The following MYCBP2 variants were observed in gnomAD, a reference collection of about 807,000 sequenced individuals.
The protein encoded by MYCBP2 is E3 ubiquitin-protein ligase MYCBP2.
Under a neutral mutation model 525.3 loss-of-function variants are expected in MYCBP2, and 120 were observed. The ratio of observed to expected loss-of-function variants is 0.23; its 90% CI spans 0.20 to 0.27. The LOEUF is 0.27. Ranked by LOEUF, MYCBP2 falls within the 10% of genes least tolerant of loss-of-function variation. MYCBP2 has a pLI of 1.00. For missense variants in MYCBP2, 4,149 were observed against 5,657.1 expected, an observed-to-expected ratio of 0.73 and a Z score of 8.55; for synonymous variants, 1,894 against 1,955.8, an observed-to-expected ratio of 0.97 and a Z score of 0.83.
At position 77,060,638 on chromosome 13, in the gene MYCBP2, AC is replaced by A. The variant is rs1336967810; in HGVS notation, c.13036+530del. On this transcript the variant is annotated intron_variant, in intron 76 of 82. Coordinates refer to ENST00000544440, the MANE Select transcript of MYCBP2 (RefSeq NM_015057.5). ...AAAATACATTTAACATACATAGGTTACCTTTTGTTTTATGTCTATTCATTTT... is the reference window on the plus strand; with the variant it reads ...AAAATACATTTAACATACATAGGTTACTTTTGTTTTATGTCTATTCATTTT... Among the ~76,000 whole-genome samples, 100 of 152,204 alleles carry A rather than the reference AC, an allele frequency of 6.6e-4. 2 individuals are homozygous for A. Among genetic ancestry groups the A allele is most frequent in the Non-Finnish European group, 2.9e-5 (2 of 68,030 alleles).
intron 14 of MYCBP2, among the ~76,000 whole-genome samples, chr13:77,254,905 T>A (rs1219645473): frequency 1.3e-5 from 2 of 152,006 alleles, no homozygotes; most frequent in African/African-American, 4.8e-5. Context: ...TTCAGTTCTA[T>A]CCATGTTTCT....
intron 21 of MYCBP2, among the ~76,000 whole-genome samples, chr13:77,213,634 A>G (rs2064356925): frequency 6.6e-6 from 1 of 152,222 alleles, no homozygotes; most frequent in Non-Finnish European, 1.5e-5. Flanking sequence ...AGCAGTCCAA[A>G]AATGTGTTAG....
At chr13:77,193,251 T>C (rs1360502526) in intron 27 of MYCBP2, among the ~76,000 whole-genome samples, 4 of 152,182 alleles carry the variant, frequency 2.6e-5, no homozygotes, top group African/African-American at 7.2e-5. Context: ...CTAATATTCA[T>C]TTGTATAAAA....
At chr13:77,200,413 T>G (rs1189285107) in intron 26 of MYCBP2, among the ~76,000 whole-genome samples, 1 of 151,892 alleles carries the variant, frequency 6.6e-6, no homozygotes, top group African/African-American at 2.4e-5. Context: ...AATCTACGTC[T>G]GATTGGTGTA....
chr13:77,203,393 A>C (rs1368651361), intron 26 of MYCBP2, among the ~76,000 whole-genome samples: 9 of 152,176 alleles, frequency 5.9e-5, no homozygotes, highest in Admixed American at 2.0e-4. Flanking sequence ...AGGAAATAAA[A>C]GAGGATACAA....
In MYCBP2 at chr13:77,077,145, C is replaced by CA; in HGVS notation, c.11724+2dup. 6.2e-7 allele frequency: 1 copy of CA among 1,612,926 alleles called. No homozygotes were observed. Among genetic ancestry groups the CA allele is most frequent in the Non-Finnish European group, 8.5e-7 (1 of 1,179,644 alleles). On this transcript the variant is annotated splice_region_variant and intron_variant, in intron 67 of 82. Transcript: ENST00000544440. Reference sequence around the variant, plus strand: ...TGCTAGAATATGTTGTAAGGACACTCACTTGAGACGTAATCAGTCTGAATA... The same window carrying CA: ...TGCTAGAATATGTTGTAAGGACACTCAACTTGAGACGTAATCAGTCTGAATA...
At chr13:77,228,694 TGTG>T (rs561272831) in intron 18 of MYCBP2, among the ~76,000 whole-genome samples, 4 of 7,474 alleles carry the variant, frequency 5.4e-4, no homozygotes, top group African/African-American at 1.1e-3. Flanking sequence ...GAATATGTTG[TGTG>T]TGTGTGTGTG....
intron 1 of MYCBP2, among the ~76,000 whole-genome samples, chr13:77,317,676 C>G (rs2081113658): frequency 6.6e-6 from 1 of 152,160 alleles, no homozygotes; most frequent in African/African-American, 2.4e-5. Flanking sequence ...CGGTGGCTCA[C>G]GCCTGTAATC....
chr13:77,157,938 T>A lies in MYCBP2; in HGVS notation c.6769A>T (p.Arg2257Trp). The A allele has an allele frequency of 6.2e-7, 1 of 1,609,816 alleles. No homozygotes were observed. Among genetic ancestry groups the A allele is most frequent in the South Asian group, 1.1e-5 (1 of 89,802 alleles). ...VPGSSGGRLA[R>W]WLQPDSYADP... ...GTAAGTAACTTAAAGTACATTTACC[T>A]TGCAAGCCTTCCACCACTTGATCCT... is the stretch of plus-strand genomic sequence containing the variant. Residue 2257 changes from arginine to tryptophan, a missense_variant and splice_region_variant, in exon 45 of 83, where the codon AGG becomes TGG. Physicochemically the swap from Arg to Trp is moderately radical, Grantham distance 101. Transcript: ENST00000544440.
chr13:77,168,323 A>G lies in MYCBP2; in HGVS notation c.6114+105T>C, dbSNP rs1236132810. The G allele has an allele frequency of 4.5e-6, 4 of 884,242 alleles. No homozygotes were observed. In the African/African-American group the frequency reaches 5.1e-5, roughly 11 times the overall value. 54.8% of individuals were successfully genotyped at this position (884,242 alleles called of 1,614,324 possible). On this transcript the variant is annotated intron_variant, in intron 40 of 82. Coordinates refer to ENST00000544440, the MANE Select transcript of MYCBP2 (RefSeq NM_015057.5). ...CTGATTCTCTATATGTAAATACTAT[A>G]AAAGAAAATACACTTGTAAATACAG...
At position 77,240,899 on chromosome 13, in the gene MYCBP2, C is replaced by T. The variant is rs1248938593; in HGVS notation, c.2629+2160G>A. On this transcript the variant is annotated intron_variant, in intron 17 of 82. Coordinates refer to ENST00000544440, the MANE Select transcript of MYCBP2 (RefSeq NM_015057.5). The stretch of plus-strand genomic sequence containing the variant: ...TTTACCAAACATGAAGGAGGGTGAT[C>T]TAAGAAAGAGTTCTACCAAAAAATA... Among the ~76,000 whole-genome samples the T allele has an allele frequency of 2.0e-5, 3 of 152,106 alleles. No individual in the cohort carries two copies. In the East Asian group the frequency reaches 5.8e-4, roughly 29 times the overall value.
chr13:77,202,615 C>G (rs1211459227), intron 26 of MYCBP2, among the ~76,000 whole-genome samples: 2 of 151,816 alleles, frequency 1.3e-5, no homozygotes, highest in Non-Finnish European at 2.9e-5. Flanking sequence ...AGACCAATAT[C>G]CTTGATGAAC....
In MYCBP2 at chr13:77,150,715, G is replaced by A; in HGVS notation, c.7131+19C>T. The stretch of plus-strand genomic sequence containing the variant: ...AAATGCTGAAAACTAAAATTTTTCT[G>A]ATAAGTAAAATAAATTACCTTCATC... On this transcript the variant is annotated intron_variant, in intron 47 of 82. Coordinates refer to ENST00000544440, the MANE Select transcript of MYCBP2 (RefSeq NM_015057.5). 6.3e-7 allele frequency: 1 copy of A among 1,597,562 alleles called. No homozygotes were observed. The highest frequency in any genetic ancestry group is 1.3e-5 in the African/African-American group (1 of 74,410).
intron 34 of MYCBP2, among the ~76,000 whole-genome samples, 178 bp from the exon 35 acceptor site, chr13:77,178,132 T>C (rs750805477): frequency 6.6e-5 from 10 of 152,230 alleles, no homozygotes; most frequent in Non-Finnish European, 1.3e-4. Context: ...CATTCTAAAT[T>C]CACAAATCAA....
At chr13:77,266,312 T>G (rs761641471) in intron 8 of MYCBP2, among the ~76,000 whole-genome samples, 1 of 152,154 alleles carries the variant, frequency 6.6e-6, no homozygotes, top group African/African-American at 2.4e-5. Flanking sequence ...GTAATTTATA[T>G]AGCAAAACCC....
At chr13:77,255,453 C>T (rs1418741426) in intron 14 of MYCBP2, among the ~76,000 whole-genome samples, 1 of 151,732 alleles carries the variant, frequency 6.6e-6, no homozygotes, top group Non-Finnish European at 1.5e-5. Flanking sequence ...AATGTACGCT[C>T]AATTTTCACA....
chr13:77,134,839 T>G (rs2053491966), intron 52 of MYCBP2, among the ~76,000 whole-genome samples: 1 of 152,226 alleles, frequency 6.6e-6, no homozygotes, highest in African/African-American at 2.4e-5. Flanking sequence ...AATATGGTGT[T>G]TAAATAGAAA....
chr13:77,285,884 G>C (rs112345320), intron 3 of MYCBP2, among the ~76,000 whole-genome samples: 1 of 75,132 alleles, frequency 1.3e-5, no homozygotes, highest in African/African-American at 3.3e-5. Flanking sequence ...GAAAGGAAAG[G>C]AAAGGAAAGG....
rs2038554692 is a variant in MYCBP2 at position 77,058,218 on chromosome 13, C to T, written c.13329G>A (p.Gln4443=). 6.2e-7 allele frequency: 1 copy of T among 1,612,210 alleles called. No individual in the cohort carries two copies. Among genetic ancestry groups the T allele is most frequent in the Non-Finnish European group, 8.5e-7 (1 of 1,179,122 alleles). The change falls in exon 78 of 83, where the codon CAG becomes CAA. Residue 4443 remains glutamine (Q), a splice_region_variant and synonymous_variant. Transcript: ENST00000544440. This position sits in a 1 kb window ranked among gnomAD's most constrained non-coding sequence, Gnocchi z 4.1. ...TEALSAAPAI[Q]LDCSHIFHLQ... ...TCAATACTTTAAAAGCTGAGGCAAC[C>T]TGAATGGCTGGTGCTGCCGAGAGCG...
Sources: gnomAD v4.1 joint callset for allele counts (sites outside exome capture counted in the v4.1 genomes callset) on GRCh38, gnomAD v4.1.1 for gene constraint, Gnocchi (gnomAD v3.1) non-coding constraint, MANE v1.5 for transcripts, NCBI Gene and HGNC (gene_info 2026-07-23, HGNC 2026-07-21) for gene names.